Variants in CSMD1 observed in about 807,000 individuals in gnomAD.
CSMD1 encodes CUB and sushi domain-containing protein 1.
A neutral mutation model predicts 417.5 loss-of-function variants in CSMD1; 213 were observed. The observed-to-expected ratio is 0.51, with a 90% CI of 0.46 to 0.57. CSMD1 has a LOEUF of 0.57. Ranked by LOEUF, CSMD1 falls within the 20% of genes least tolerant of loss-of-function variation. The probability of loss-of-function intolerance (pLI) is 0.00; values close to 1 mark genes in which losing one functional copy is unlikely to be tolerated. For synonymous variants in CSMD1, 2,862 were observed against 1,736.8 expected, an observed-to-expected ratio of 1.65 and a Z score of -16.11; for missense variants, 6,923 against 4,529.7, an observed-to-expected ratio of 1.53 and a Z score of -15.17.
chr8:4,825,785 C>CAA lies in CSMD1; in HGVS notation c.85+168545_85+168546dup, dbSNP rs144781675. 1.1e-3 allele frequency among the ~76,000 whole-genome samples: 143 copies of CAA among 130,822 alleles called. 1 individual carries two copies. The highest frequency in any genetic ancestry group is 5.7e-3 in the South Asian group (24 of 4,220). 85.8% of individuals were successfully genotyped at this position (130,822 alleles called of 152,430 possible). A position where few individuals can be genotyped will look rare whatever the true frequency, so the allele number is the denominator to read the frequency against. On this transcript the variant is annotated intron_variant, in intron 1 of 69. Transcript: ENST00000635120. ...ACATGAAGCTTCTACAAATCAAATG[C>CAA]AAAAAAAAAAGAAAAAAAAAAGAAA...
intron 4 of CSMD1, among the ~76,000 whole-genome samples, chr8:3,999,349 C>G (rs551319285): frequency 5.9e-5 from 9 of 152,238 alleles, no homozygotes; most frequent in Admixed American, 5.2e-4. Context: ...CCCTACCCAC[C>G]CTCTCTCCAC....
chr8:3,451,528 A>G (rs1370202491), intron 12 of CSMD1, among the ~76,000 whole-genome samples: 1 of 152,310 alleles, frequency 6.6e-6, no homozygotes, highest in South Asian at 2.1e-4. Flanking sequence ...TCGTCTTTCT[A>G]CATATAGCTA....
chr8:4,478,913 G>C (rs1010864755), intron 2 of CSMD1, among the ~76,000 whole-genome samples: 2 of 152,126 alleles, frequency 1.3e-5, no homozygotes, highest in African/African-American at 4.8e-5. Context: ...TTTAGTTTCT[G>C]GCAATTGTAC....
At chr8:4,385,233 A>T (rs188004056) in intron 3 of CSMD1, among the ~76,000 whole-genome samples, 5 of 152,328 alleles carry the variant, frequency 3.3e-5, no homozygotes, top group East Asian at 3.9e-4. Context: ...CGGCCACATT[A>T]AAAAAGTTCT....
At chr8:3,400,778 T>C (rs979488511) in intron 15 of CSMD1, among the ~76,000 whole-genome samples, 1 of 151,516 alleles carries the variant, frequency 6.6e-6, no homozygotes, top group African/African-American at 2.4e-5. Flanking sequence ...AGCACTGGGA[T>C]TGCTTTATAG....
intron 36 of CSMD1, chr8:3,182,899 T>C (rs1276123241): frequency 2.4e-5 from 3 of 123,724 alleles, no homozygotes; most frequent in East Asian, 2.5e-4. Flanking sequence ...TGTGTGTGTA[T>C]TGTTAGTAGA....
intron 3 of CSMD1, among the ~76,000 whole-genome samples, chr8:4,409,787 A>G (rs1160787372): frequency 2.0e-5 from 3 of 152,114 alleles, no homozygotes; most frequent in Non-Finnish European, 2.9e-5. Context: ...ATCATACATA[A>G]TTTGGAAGAA....
intron 5 of CSMD1, among the ~76,000 whole-genome samples, chr8:3,781,517 T>A (rs1327899044): frequency 6.6e-6 from 1 of 152,132 alleles, no homozygotes; most frequent in Non-Finnish European, 1.5e-5. Flanking sequence ...TGTGCGATTG[T>A]GGACATGGAT....
At chr8:4,268,634 A>G (rs73500625) in intron 3 of CSMD1, among the ~76,000 whole-genome samples, 2,496 of 152,294 alleles carry the variant, frequency 0.016, 65 homozygotes, top group African/African-American at 0.054. Flanking sequence ...AAGTTCACAG[A>G]AAACCTAAAA....
At position 3,848,522 on chromosome 8, in the gene CSMD1, G is replaced by C. The variant is rs539187359; in HGVS notation, c.819-94480C>G. Among the ~76,000 whole-genome samples, 6 of 152,290 alleles carry C rather than the reference G, an allele frequency of 3.9e-5. No individual in the cohort carries two copies. In the South Asian group the frequency reaches 1.2e-3, roughly 32 times the overall value. The stretch of plus-strand genomic sequence containing the variant: ...TTCCGATTTTATAGCAAAAGCCTGA[G>C]AAGTTACTTAATTTACTCAATACCA... On this transcript the variant is annotated intron_variant, in intron 5 of 69. Coordinates refer to ENST00000635120, the MANE Select transcript of CSMD1 (RefSeq NM_033225.6).
At chr8:3,542,966 G>T (rs6990811) in intron 10 of CSMD1, among the ~76,000 whole-genome samples, 9 of 152,058 alleles carry the variant, frequency 5.9e-5, no homozygotes, top group African/African-American at 2.2e-4. Context: ...GTGAATATGG[G>T]GCTCCTCTTC....
At chr8:3,669,322 T>G (rs1798864152) in intron 7 of CSMD1, among the ~76,000 whole-genome samples, 1 of 152,154 alleles carries the variant, frequency 6.6e-6, no homozygotes, top group African/African-American at 2.4e-5. Flanking sequence ...TGTGAGCAAT[T>G]ATTTCCTTCT....
intron 50 of CSMD1, among the ~76,000 whole-genome samples, chr8:3,041,927 G>A (rs537248455): frequency 3.3e-5 from 5 of 152,232 alleles, no homozygotes; most frequent in South Asian, 2.1e-4. Context: ...TTGACATCAC[G>A]GTCCTCTTGG....
At chr8:4,453,603 C>A (rs139746122) in intron 2 of CSMD1, among the ~76,000 whole-genome samples, 3 of 152,168 alleles carry the variant, frequency 2.0e-5, no homozygotes, top group Non-Finnish European at 2.9e-5. Flanking sequence ...TGCTGTGAAT[C>A]GACAGCACAG....
At chr8:4,782,906 G>A (rs772644955) in intron 1 of CSMD1, among the ~76,000 whole-genome samples, 1 of 150,432 alleles carries the variant, frequency 6.6e-6, no homozygotes, top group South Asian at 2.1e-4. Flanking sequence ...AGGCAGAAAA[G>A]TGCCATATTT....
chr8:3,586,816 T>C (rs1047716835), intron 8 of CSMD1, among the ~76,000 whole-genome samples: 29 of 152,226 alleles, frequency 1.9e-4, no homozygotes, highest in African/African-American at 6.5e-4. Flanking sequence ...TTGTTTTGTT[T>C]TGAGACAGAG....
intron 49 of CSMD1, among the ~76,000 whole-genome samples, chr8:3,069,405 A>C (rs1345039598): frequency 6.6e-6 from 1 of 151,868 alleles, no homozygotes; most frequent in Non-Finnish European, 1.5e-5. Context: ...ACTGCACACC[A>C]GCATGGGTGA....
At chr8:3,939,825 G>C (rs113738243) in intron 5 of CSMD1, among the ~76,000 whole-genome samples, 1 of 152,146 alleles carries the variant, frequency 6.6e-6, no homozygotes, top group Non-Finnish European at 1.5e-5. Flanking sequence ...AGGATGCGAA[G>C]GCATAATAAT....
chr8:4,977,902 A>C (rs1319181533), intron 1 of CSMD1, among the ~76,000 whole-genome samples: 2 of 152,222 alleles, frequency 1.3e-5, no homozygotes, highest in African/African-American at 2.4e-5. Flanking sequence ...TCATTCATTC[A>C]CACATTCGAA....
Sources: gnomAD v4.1 joint callset for allele counts (sites outside exome capture counted in the v4.1 genomes callset) on GRCh38, gnomAD v4.1.1 for gene constraint, MANE v1.5 for transcripts, NCBI Gene and HGNC (gene_info 2026-07-23, HGNC 2026-07-21) for gene names.